The following TMEM50B variants were observed in gnomAD, a reference collection of about 807,000 sequenced individuals.
The protein encoded by TMEM50B is HCV p7-trans-regulated protein 3.
TMEM50B carries 14 observed loss-of-function variants against 23.4 expected under a neutral mutation model. The observed-to-expected ratio is 0.60, with a 90% CI of 0.39 to 0.93. The LOEUF (loss-of-function observed/expected upper bound fraction) is 0.93. Among genes scored for constraint, TMEM50B ranks in the 40% least tolerant of loss-of-function variants. The pLI is 0.00. For missense variants in TMEM50B, 159 were observed against 193.0 expected (o/e 0.82, Z 1.04); for synonymous variants, 64 against 62.3 (o/e 1.03, Z -0.13).
At chr21:33,475,018 C>A (rs2084355323) in intron 1 of TMEM50B, among the ~76,000 whole-genome samples, 1 of 150,630 alleles carries the variant, frequency 6.6e-6, no homozygotes. Context: ...CCTCCACCTC[C>A]CAGGTTCAAG....
rs115458101 is a variant in TMEM50B, at chr21:33,432,763, G to A, written c.*2160C>T. On this transcript the variant is annotated 3_prime_UTR_variant and NMD_transcript_variant, in exon 9 of 9. Transcript: ENST00000420455. ...TCCTGATCTCCGTGGGAACATTTTC[G>A]TTGCTGTCGGTGCTGGCAGGAGCCT... 42 of 1,614,048 alleles carry A rather than the reference G, an allele frequency of 2.6e-5. No homozygotes were observed. The African/African-American group carries it at 2.9e-4, about 11-fold the overall frequency.
chr21:33,442,386 C>T (rs1488977393), intron 7 of TMEM50B, among the ~76,000 whole-genome samples: 2 of 152,138 alleles, frequency 1.3e-5, no homozygotes, highest in African/African-American at 4.8e-5. Context: ...AGAGTGGTTA[C>T]TTGGGACCTG....
chr21:33,475,473 A>G (rs535193248), intron 1 of TMEM50B, among the ~76,000 whole-genome samples: 53 of 152,022 alleles, frequency 3.5e-4, no homozygotes, highest in African/African-American at 1.3e-3. Flanking sequence ...CCACCTCCCA[A>G]GTAGCTGGGA....
At chr21:33,463,203 A>G (rs1277972491) in intron 4 of TMEM50B, among the ~76,000 whole-genome samples, 1 of 152,084 alleles carries the variant, frequency 6.6e-6, no homozygotes, top group African/African-American at 2.4e-5. Flanking sequence ...GAGGCAGAAG[A>G]ATTGCTTGAG....
intron 3 of TMEM50B, 64 bp from the exon 4 acceptor site, chr21:33,465,473 TA>T: frequency 7.9e-7 from 1 of 1,258,532 alleles, no homozygotes; most frequent in Non-Finnish European, 1.1e-6. Flanking sequence ...CAAATATTTA[TA>T]TAACACTTAG....
rs59855166 is a variant in TMEM50B at position 33,464,804 on chromosome 21, C to CAAAAAAAAAAAAAAAAAA, written c.280+520_280+537dup. Reference sequence around the variant, plus strand: ...GGGAAAGAAGAGCTAAACTCCGTCTCAAAAAAAAAAAAAAAAAAAACAAAA... The same window carrying CAAAAAAAAAAAAAAAAAA: ...GGGAAAGAAGAGCTAAACTCCGTCTCAAAAAAAAAAAAAAAAAAAAAAAAAAAAAAAAAAAAAACAAAA... On this transcript the variant is annotated intron_variant, in intron 4 of 6. Coordinates refer to ENST00000542230, the MANE Select transcript of TMEM50B (RefSeq NM_006134.7). Among the ~76,000 whole-genome samples, 771 of 100,650 alleles carry CAAAAAAAAAAAAAAAAAA rather than the reference C, an allele frequency of 7.7e-3. 9 individuals carry two copies. The highest frequency in any genetic ancestry group is 0.013 in the East Asian group (49 of 3,712). The allele number at this position is 100,650 out of a possible 152,430, so 66.0% of individuals were successfully genotyped here.
chr21:33,470,103 AT>A (rs1266499261), intron 1 of TMEM50B, among the ~76,000 whole-genome samples: 1 of 120,148 alleles, frequency 8.3e-6, no homozygotes, highest in Non-Finnish European at 2.1e-5. Context: ...CTAGAAAGAA[AT>A]AAAAAAAAAA....
intron 1 of TMEM50B, among the ~76,000 whole-genome samples, chr21:33,472,042 AAAG>A (rs1209895245): frequency 4.0e-5 from 6 of 150,522 alleles, no homozygotes; most frequent in African/African-American, 7.3e-5. Flanking sequence ...AAAAAAAAAA[AAAG>A]AAAGAAAGAA....
chr21:33,446,540 A>G, downstream of TMEM50B, among the ~76,000 whole-genome samples: 1 of 150,076 alleles, frequency 6.7e-6, no homozygotes, highest in Non-Finnish European at 1.5e-5. Flanking sequence ...CCTGGCCCCA[A>G]ATTACATTTT....
intron 8 of TMEM50B, among the ~76,000 whole-genome samples, chr21:33,438,429 T>A (rs1185450725): frequency 6.6e-6 from 1 of 152,248 alleles, no homozygotes; most frequent in Non-Finnish European, 1.5e-5. Context: ...AATAGTAATG[T>A]TATCTACTGA....
chr21:33,442,266 C>T (rs1176533531), intron 7 of TMEM50B, among the ~76,000 whole-genome samples: 3 of 152,086 alleles, frequency 2.0e-5, no homozygotes, highest in Non-Finnish European at 4.4e-5. Context: ...TCCCTTGAGA[C>T]TCAAGGACTG....
intron 1 of TMEM50B, among the ~76,000 whole-genome samples, chr21:33,472,106 G>A (rs545097426): frequency 9.9e-5 from 15 of 151,064 alleles, no homozygotes; most frequent in East Asian, 5.9e-4. Context: ...TAAATGGGCC[G>A]GGCAGGATGG....
At chr21:33,443,718 CTT>C (rs1389021824) in intron 7 of TMEM50B, among the ~76,000 whole-genome samples, 2 of 152,136 alleles carry the variant, frequency 1.3e-5, no homozygotes, top group Non-Finnish European at 2.9e-5. Context: ...AATTTTCTGA[CTT>C]TGGCATCGTA....
At chr21:33,448,064 C>T (rs1238999789), downstream of TMEM50B, among the ~76,000 whole-genome samples, 1 of 152,180 alleles carries the variant, frequency 6.6e-6, no homozygotes, top group Non-Finnish European at 1.5e-5. Context: ...ACGATCTTGG[C>T]TCACTGCAAC....
intron 7 of TMEM50B, among the ~76,000 whole-genome samples, chr21:33,442,446 T>C (rs1361330023): frequency 8.5e-5 from 13 of 152,124 alleles, no homozygotes; most frequent in Non-Finnish European, 5.9e-5. Flanking sequence ...TCAGGGCAAC[T>C]TGCCAATGCT....
chr21:33,469,369 T>C (rs1242908092), intron 1 of TMEM50B, among the ~76,000 whole-genome samples: 2 of 152,192 alleles, frequency 1.3e-5, no homozygotes, highest in Non-Finnish European at 2.9e-5. Context: ...AAGAATTGCT[T>C]GAACCTGGAA....
chr21:33,447,844 A>C (rs962803802), downstream of TMEM50B, among the ~76,000 whole-genome samples: 1 of 152,096 alleles, frequency 6.6e-6, no homozygotes, highest in Non-Finnish European at 1.5e-5. Flanking sequence ...CACACAAAAA[A>C]CACTCAGATT....
chr21:33,466,870 TA>T (rs2123447008), intron 3 of TMEM50B, 139 bp downstream of exon 3: 1 of 603,132 alleles, frequency 1.7e-6, no homozygotes, highest in Non-Finnish European at 2.7e-6. Context: ...AAAATCGTAA[TA>T]AAATGGGAAT....
Position 33,450,011 on chromosome 21 carries a change from T to TA in TMEM50B, c.*806dup. 1 of 152,572 alleles carries TA rather than the reference T, an allele frequency of 6.6e-6. No individual in the cohort carries two copies. Among genetic ancestry groups the TA allele is most frequent in the East Asian group, 1.9e-4 (1 of 5,192 alleles). 9.5% of individuals were successfully genotyped at this position (152,572 alleles called of 1,614,324 possible). A position where few individuals can be genotyped will look rare whatever the true frequency, so the allele number is the denominator to read the frequency against. ...CTTTCAAACTAGTCCTTTGGGCATT[T>TA]AAAAAATCATTATATAAAAGTACAC... On this transcript the variant is annotated 3_prime_UTR_variant, in exon 7 of 7. Coordinates refer to ENST00000542230, the MANE Select transcript of TMEM50B (RefSeq NM_006134.7).
Sources: allele counts gnomAD v4.1 joint callset (sites outside exome capture counted in the v4.1 genomes callset), GRCh38; gene constraint gnomAD v4.1.1; transcripts MANE v1.5; gene names NCBI Gene and HGNC (gene_info 2026-07-23, HGNC 2026-07-21).